Variants in DYM observed in about 807,000 individuals in gnomAD.
DYM encodes the protein dymeclin.
DYM carries 78 observed loss-of-function variants against 93.1 expected under a neutral mutation model. The observed-to-expected ratio is 0.84, with a 90% CI of 0.70 to 1.01. The LOEUF (loss-of-function observed/expected upper bound fraction) is 1.01. Among genes scored for constraint, DYM ranks in the 50% least tolerant of loss-of-function variants. The pLI, the probability that DYM is intolerant of heterozygous loss-of-function variation, is 0.00. For synonymous variants in DYM, 321 were observed against 319.7 expected (o/e 1.00, Z -0.04); for missense variants, 789 against 845.0 (o/e 0.93, Z 0.82).
chr18:49,356,096 T>C (rs1019468492), intron 6 of DYM, among the ~76,000 whole-genome samples: 8 of 152,198 alleles, frequency 5.3e-5, no homozygotes, highest in Non-Finnish European at 8.8e-5. Flanking sequence ...ATCTGGATTA[T>C]GTCTGAAAAG....
intron 1 of DYM, among the ~76,000 whole-genome samples, chr18:49,435,928 TGATGA>T (rs2080822532): frequency 6.6e-6 from 1 of 152,224 alleles, no homozygotes; most frequent in Admixed American, 6.5e-5. Flanking sequence ...ATATTAAACA[TGATGA>T]GATATTAGGA....
chr18:49,367,552 G>C (rs2066633369), intron 5 of DYM, among the ~76,000 whole-genome samples: 2 of 152,000 alleles, frequency 1.3e-5, no homozygotes, highest in South Asian at 2.1e-4. Flanking sequence ...AACACAGTAG[G>C]AGGGGAAGGG....
At chr18:49,215,343 AGCAACACACTCAGTGGAG>A (rs1256389341) in intron 13 of DYM, among the ~76,000 whole-genome samples, 3 of 152,228 alleles carry the variant, frequency 2.0e-5, no homozygotes, top group Non-Finnish European at 4.4e-5. Flanking sequence ...TAAGCTTCTT[AGCAACACACTCAGTGGAG>A]GGAGAAGTAC....
intron 15 of DYM, among the ~76,000 whole-genome samples, chr18:49,140,954 C>A (rs1310864728): frequency 6.6e-6 from 1 of 152,100 alleles, no homozygotes; most frequent in Non-Finnish European, 1.5e-5. Context: ...CTCATCTTAC[C>A]CTCAATCTTC....
chr18:49,445,217 A>G (rs1056656137), intron 1 of DYM, among the ~76,000 whole-genome samples: 1 of 152,210 alleles, frequency 6.6e-6, no homozygotes, highest in Non-Finnish European at 1.5e-5. Context: ...AAAGCCTGAA[A>G]TATTTATGAT....
chr18:49,095,587 A>T (rs1183814011), intron 17 of DYM, among the ~76,000 whole-genome samples: 1 of 152,056 alleles, frequency 6.6e-6, no homozygotes, highest in Non-Finnish European at 1.5e-5. Flanking sequence ...CCTCTTAAGA[A>T]ATTTACCCAT....
intron 5 of DYM, among the ~76,000 whole-genome samples, chr18:49,377,494 A>G (rs2067613445): frequency 6.6e-6 from 1 of 152,208 alleles, no homozygotes; most frequent in Non-Finnish European, 1.5e-5. Flanking sequence ...CAGGAGGCAG[A>G]GGCTGCAGTG....
chr18:49,145,136 A>ATATATATATATATATAT, intron 15 of DYM, among the ~76,000 whole-genome samples: 5 of 18,512 alleles, frequency 2.7e-4, no homozygotes, highest in Admixed American at 7.4e-4. Context: ...TATATATATA[A>ATATATATATATATATAT]TTTATATATA....
intron 9 of DYM, among the ~76,000 whole-genome samples, chr18:49,283,669 T>C (rs1316940804): frequency 2.0e-5 from 3 of 152,230 alleles, no homozygotes; most frequent in African/African-American, 7.2e-5. Flanking sequence ...AAAGAGCTAA[T>C]ATTTTTACGT....
intron 14 of DYM, among the ~76,000 whole-genome samples, chr18:49,176,271 T>C (rs1000934154): frequency 2.0e-5 from 3 of 152,154 alleles, no homozygotes; most frequent in Non-Finnish European, 4.4e-5. Context: ...TCTGTCAATA[T>C]ACACTCTGGT....
rs1436212071 is a variant in DYM at position 49,123,906 on chromosome 18, C to G, written c.1729-4980G>C. Among the ~76,000 whole-genome samples the G allele has an allele frequency of 6.6e-5, 10 of 152,230 alleles. No homozygotes were observed. The East Asian group carries it at 1.9e-3, about 29-fold the overall frequency. ...GCAACCCAATGAAATGGTATGACTA[C>G]TTTAGAAATATAATCAAGTCAAAAT... On this transcript the variant is annotated intron_variant, in intron 15 of 17. Coordinates refer to ENST00000675505, the MANE Select transcript of DYM (RefSeq NM_001353214.3).
intron 8 of DYM, among the ~76,000 whole-genome samples, chr18:49,287,508 A>G (rs2059738667): frequency 6.6e-6 from 1 of 151,934 alleles, no homozygotes; most frequent in Non-Finnish European, 1.5e-5. Context: ...AAGCAAAAAC[A>G]TTAAGACAAA....
intron 15 of DYM, among the ~76,000 whole-genome samples, chr18:49,129,991 T>C (rs1264274246): frequency 6.6e-6 from 1 of 152,134 alleles, no homozygotes; most frequent in Non-Finnish European, 1.5e-5. Context: ...ACTTTCTAGT[T>C]CTGGGATTTG....
intron 14 of DYM, among the ~76,000 whole-genome samples, chr18:49,191,717 A>G (rs1029088100): frequency 6.6e-6 from 1 of 152,230 alleles, no homozygotes; most frequent in African/African-American, 2.4e-5. Context: ...CAGAAGTTCA[A>G]TAATTTAGAC....
At chr18:49,323,497 T>G (rs1192433056) in intron 8 of DYM, among the ~76,000 whole-genome samples, 1 of 152,134 alleles carries the variant, frequency 6.6e-6, no homozygotes, top group Non-Finnish European at 1.5e-5. Context: ...AAGGTGGAGC[T>G]TTGGAAGGTG....
chr18:49,424,494 G>T (rs2074061081), intron 2 of DYM, among the ~76,000 whole-genome samples: 1 of 152,026 alleles, frequency 6.6e-6, no homozygotes, highest in African/African-American at 2.4e-5. Context: ...CACAGGACAG[G>T]GATGCCTTCT....
chr18:49,325,005 T>C (rs2062782653), intron 8 of DYM, among the ~76,000 whole-genome samples: 1 of 152,108 alleles, frequency 6.6e-6, no homozygotes, highest in Non-Finnish European at 1.5e-5. Context: ...TATCAGGCTC[T>C]AGAACCCACC....
At chr18:49,165,657 G>C (rs1301780672) in intron 14 of DYM, among the ~76,000 whole-genome samples, 8 of 152,030 alleles carry the variant, frequency 5.3e-5, no homozygotes, top group Non-Finnish European at 1.2e-4. Flanking sequence ...CAGAGGCAAT[G>C]AATATTATTT....
At chr18:49,307,768 C>T (rs1304242638) in intron 8 of DYM, among the ~76,000 whole-genome samples, 1 of 152,210 alleles carries the variant, frequency 6.6e-6, no homozygotes, top group East Asian at 1.9e-4. Flanking sequence ...TGAAAACTGG[C>T]AGAAGTACCC....
Sources: allele counts gnomAD v4.1 joint callset (sites outside exome capture counted in the v4.1 genomes callset), GRCh38; gene constraint gnomAD v4.1.1; transcripts MANE v1.5; gene names NCBI Gene and HGNC (gene_info 2026-07-23, HGNC 2026-07-21).